The following PPP4R3A variants were observed in gnomAD, a reference collection of about 807,000 sequenced individuals.
PPP4R3A encodes the protein protein phosphatase 4 regulatory subunit 3A.
In PPP4R3A, 15 loss-of-function variants were observed where a neutral mutation model predicts 91.7. That is an observed-to-expected ratio of 0.16 (90% CI 0.11 to 0.25). PPP4R3A has a LOEUF of 0.25. Among genes scored for constraint, PPP4R3A ranks in the 10% least tolerant of loss-of-function variants. The pLI is 1.00. For missense variants in PPP4R3A, 623 were observed against 998.4 expected (o/e 0.62, Z 5.07); for synonymous variants, 377 against 348.7 (o/e 1.08, Z -0.91).
intron 4 of PPP4R3A, among the ~76,000 whole-genome samples, chr14:91,480,320 A>G (rs1889478983): frequency 6.6e-6 from 1 of 152,148 alleles, no homozygotes; most frequent in South Asian, 2.1e-4. Flanking sequence ...GGGAAACCGA[A>G]GCTTTAAGAA....
intron 1 of PPP4R3A, among the ~76,000 whole-genome samples, chr14:91,494,082 TC>T (rs1292011831): frequency 6.6e-6 from 1 of 152,002 alleles, no homozygotes; most frequent in African/African-American, 2.4e-5. Flanking sequence ...TGAAACCCCG[TC>T]TCTACTAAAG....
In PPP4R3A at chr14:91,458,559, T is replaced by TA. The variant is rs1887910558; in HGVS notation, c.*199dup. On this transcript the variant is annotated 3_prime_UTR_variant, in exon 15 of 15. Coordinates refer to ENST00000554943, the MANE Select transcript of PPP4R3A (RefSeq NM_001366432.2). Reference sequence around the variant, plus strand: ...GTCCAAGCTGGAGAGCTCAAAGGCTTAAGTCTTTCCCCTAAATATATGATA... The same window carrying TA: ...GTCCAAGCTGGAGAGCTCAAAGGCTTAAAGTCTTTCCCCTAAATATATGATA... The TA allele has an allele frequency of 1.3e-6, 1 of 760,790 alleles. No individual in the cohort carries two copies. The highest frequency in any genetic ancestry group is 1.7e-5 in the African/African-American group (1 of 57,952). The allele number at this position is 760,790 out of a possible 1,614,324, so 47.1% of individuals were successfully genotyped here.
At chr14:91,475,517 T>C (rs999262630) in intron 7 of PPP4R3A, 1 of 255,458 alleles carries the variant, frequency 3.9e-6, no homozygotes, top group Non-Finnish European at 7.6e-6. Context: ...CAAGAATTGA[T>C]TGACTAAATG....
At chr14:91,474,441 G>C (rs535324184) in intron 7 of PPP4R3A, among the ~76,000 whole-genome samples, 36 of 152,192 alleles carry the variant, frequency 2.4e-4, no homozygotes, top group Non-Finnish European at 3.7e-4. Context: ...TGATGATTAA[G>C]AAGAGTGGGA....
chr14:91,501,393 G>A (rs1332405421), intron 1 of PPP4R3A, among the ~76,000 whole-genome samples: 1 of 152,144 alleles, frequency 6.6e-6, no homozygotes, highest in African/African-American at 2.4e-5. Flanking sequence ...CAAGGCTTAA[G>A]GCAGGGACTT....
At chr14:91,475,718 C>CA in intron 7 of PPP4R3A, 93 bp downstream of exon 7, 1 of 1,291,696 alleles carries the variant, frequency 7.7e-7, no homozygotes, top group Non-Finnish European at 1.1e-6. Context: ...ACACTTTTCC[C>CA]AAACAGCAAC....
At chr14:91,460,479 A>G (rs561913373) in intron 14 of PPP4R3A, among the ~76,000 whole-genome samples, 4 of 152,232 alleles carry the variant, frequency 2.6e-5, no homozygotes, top group African/African-American at 9.6e-5. Context: ...GATTTAGATC[A>G]GTGATTCCCA....
At chr14:91,498,072 T>G (rs1027003091) in intron 1 of PPP4R3A, among the ~76,000 whole-genome samples, 2 of 152,174 alleles carry the variant, frequency 1.3e-5, no homozygotes, top group Non-Finnish European at 2.9e-5. Flanking sequence ...TGGTGGCTCA[T>G]GCCTGTAATC....
At chr14:91,461,636 TC>T in intron 13 of PPP4R3A, 29 bp from the exon 14 acceptor site, 2 of 1,594,996 alleles carry the variant, frequency 1.3e-6, no homozygotes, top group Non-Finnish European at 1.7e-6. Flanking sequence ...TCAATAGTCG[TC>T]CCCCATACTT....
At chr14:91,498,462 T>C (rs1890723225) in intron 1 of PPP4R3A, among the ~76,000 whole-genome samples, 1 of 152,234 alleles carries the variant, frequency 6.6e-6, no homozygotes, top group Non-Finnish European at 1.5e-5. Flanking sequence ...CTAAAGTCTG[T>C]TTTAATTTCT....
intron 4 of PPP4R3A, among the ~76,000 whole-genome samples, chr14:91,478,936 A>G (rs1197669716): frequency 2.0e-5 from 3 of 152,224 alleles, no homozygotes; most frequent in Admixed American, 2.0e-4. Flanking sequence ...TAAAGTCTTA[A>G]AAGATCTTCC....
chr14:91,507,512 T>TAC (rs1375415739), intron 1 of PPP4R3A, among the ~76,000 whole-genome samples: 10 of 141,612 alleles, frequency 7.1e-5, no homozygotes, highest in African/African-American at 2.7e-4. Flanking sequence ...TATGCTATAA[T>TAC]TATATATACT....
At chr14:91,495,302 A>ATATGTGTGTGTGTGTGTGTGTGTG (rs1555437567) in intron 1 of PPP4R3A, among the ~76,000 whole-genome samples, 4 of 140,868 alleles carry the variant, frequency 2.8e-5, no homozygotes, top group South Asian at 2.4e-4. Context: ...CAGATACATA[A>ATATGTGTGTGTGTGTGTGTGTGTG]TGTGTGTGTG....
intron 2 of PPP4R3A, among the ~76,000 whole-genome samples, chr14:91,489,390 T>C (rs1364321695): frequency 1.3e-5 from 2 of 152,218 alleles, no homozygotes; most frequent in Non-Finnish European, 2.9e-5. Flanking sequence ...ATAACGTATA[T>C]TCAGAATCAC....
intron 7 of PPP4R3A, chr14:91,475,575 C>T (rs937993446): frequency 2.7e-6 from 1 of 366,220 alleles, no homozygotes; most frequent in Non-Finnish European, 4.9e-6. Context: ...TAAAACAAAA[C>T]AAAACAAAAA....
intron 1 of PPP4R3A, among the ~76,000 whole-genome samples, chr14:91,503,705 C>T (rs541953167): frequency 2.0e-5 from 3 of 151,688 alleles, no homozygotes; most frequent in South Asian, 2.1e-4. Context: ...CACACGTACC[C>T]GGGAATTTAA....
rs888924453 is a variant in PPP4R3A, at chr14:91,459,643, T to TA, written c.2392-775dup. Among the ~76,000 whole-genome samples, 3 of 151,982 alleles carry TA rather than the reference T, an allele frequency of 2.0e-5. No homozygotes were observed. In the East Asian group the frequency reaches 5.9e-4, roughly 30 times the overall value. On this transcript the variant is annotated intron_variant, in intron 14 of 14. Transcript: ENST00000554943. ...GGAGTTTGAGACCAGCCTGGCCTGT[T>TA]AATTAACATAGTGAAACCCTGTCTC...
intron 3 of PPP4R3A, among the ~76,000 whole-genome samples, chr14:91,483,310 T>C (rs566764636): frequency 2.0e-5 from 3 of 152,312 alleles, no homozygotes; most frequent in African/African-American, 7.2e-5. Flanking sequence ...GATGCACTGA[T>C]AGATACTAGA....
intron 1 of PPP4R3A, among the ~76,000 whole-genome samples, chr14:91,501,708 CTT>C (rs11382091): frequency 2.9e-5 from 4 of 137,960 alleles, no homozygotes; most frequent in Admixed American, 7.4e-5. Flanking sequence ...CTAAAGTGTG[CTT>C]TTTTTTTTTT....
Sources: allele counts gnomAD v4.1 joint callset (sites outside exome capture counted in the v4.1 genomes callset), GRCh38; gene constraint gnomAD v4.1.1; transcripts MANE v1.5; gene names NCBI Gene and HGNC (gene_info 2026-07-23, HGNC 2026-07-21).